Variants in PDE4D observed in about 807,000 individuals in gnomAD.
PDE4D encodes phosphodiesterase 4D.
In PDE4D, 24 loss-of-function variants were observed where a neutral mutation model predicts 87.4. That is an observed-to-expected ratio of 0.27 (90% CI 0.20 to 0.39). The LOEUF (loss-of-function observed/expected upper bound fraction) is 0.39. Ranked by LOEUF, PDE4D falls within the 10% of genes least tolerant of loss-of-function variation. The probability of loss-of-function intolerance (pLI) is 1.00; values close to 1 mark genes in which losing one functional copy is unlikely to be tolerated. For synonymous variants in PDE4D, 384 were observed against 383.2 expected (o/e 1.00, Z -0.02); for missense variants, 714 against 1,041.0 (o/e 0.69, Z 4.32).
intron 1 of PDE4D, among the ~76,000 whole-genome samples, chr5:60,214,356 T>C (rs1437501186): frequency 6.6e-6 from 1 of 152,204 alleles, no homozygotes; most frequent in African/African-American, 2.4e-5. Context: ...ACTTTGACAA[T>C]CTTTCTCTTG....
intron 3 of PDE4D, among the ~76,000 whole-genome samples, chr5:59,965,038 TAC>T (rs1759882014): frequency 6.6e-6 from 1 of 152,204 alleles, no homozygotes; most frequent in African/African-American, 2.4e-5. Flanking sequence ...CCACCACGAC[TAC>T]CCAATGACCT....
chr5:59,203,553 A>G (rs1383225470), intron 2 of PDE4D, among the ~76,000 whole-genome samples: 1 of 152,192 alleles, frequency 6.6e-6, no homozygotes, highest in Non-Finnish European at 1.5e-5. Flanking sequence ...TTGGTGCAGC[A>G]TTAATCACAA....
chr5:60,322,371 C>CACACACACAT (rs1562322935), intron 1 of PDE4D, among the ~76,000 whole-genome samples: 2 of 64,308 alleles, frequency 3.1e-5, no homozygotes, highest in Admixed American at 1.3e-4. Flanking sequence ...CACACATACA[C>CACACACACAT]ACACACACAC....
At chr5:59,570,239 A>C (rs1356033565) in intron 1 of PDE4D, among the ~76,000 whole-genome samples, 1 of 152,200 alleles carries the variant, frequency 6.6e-6, no homozygotes, top group Admixed American at 6.5e-5. Context: ...AGAACTGAAC[A>C]TAATAGTGGG....
Position 59,193,484 on chromosome 5 carries a change from A to G in PDE4D, c.684+16T>C. 6.2e-7 allele frequency: 1 copy of G among 1,612,132 alleles called. No individual in the cohort carries two copies. The highest frequency in any genetic ancestry group is 8.5e-7 in the Non-Finnish European group (1 of 1,178,798). Reference sequence around the variant, plus strand: ...ACATCTGTGAGAAACCTGCCCATTCACCAAGCTGTGCTTACCTGAGCAAAT... The same window carrying G: ...ACATCTGTGAGAAACCTGCCCATTCGCCAAGCTGTGCTTACCTGAGCAAAT... On this transcript the variant is annotated intron_variant, in intron 3 of 14. Coordinates refer to ENST00000340635, the MANE Select transcript of PDE4D (RefSeq NM_001104631.2).
At chr5:59,311,412 C>T (rs1772574293) in intron 1 of PDE4D, among the ~76,000 whole-genome samples, 2 of 138,010 alleles carry the variant, frequency 1.4e-5, no homozygotes, top group African/African-American at 5.4e-5. Flanking sequence ...GAGGCACAAG[C>T]ATCACTTGAA....
rs1828817873 is a variant in PDE4D at position 59,610,298 on chromosome 5, G to C, written c.455+282870C>G. On this transcript the variant is annotated intron_variant, in intron 1 of 14. Coordinates refer to ENST00000340635, the MANE Select transcript of PDE4D (RefSeq NM_001104631.2). The stretch of plus-strand genomic sequence containing the variant: ...TATGAGCATAGAGCTATTGAGACTG[G>C]AGAACTGATTTTAATGTGACCTAAT... 2.6e-5 allele frequency among the ~76,000 whole-genome samples: 4 copies of C among 152,286 alleles called. No individual in the cohort carries two copies. The South Asian group carries it at 8.3e-4, about 32-fold the overall frequency.
intron 1 of PDE4D, among the ~76,000 whole-genome samples, chr5:60,411,235 T>C (rs1742016976): frequency 6.6e-6 from 1 of 152,194 alleles, no homozygotes; most frequent in Non-Finnish European, 1.5e-5. Flanking sequence ...TCCAGAAGGG[T>C]TCATTTTCCA....
chr5:59,075,702 T>C (rs1374809374), intron 5 of PDE4D, among the ~76,000 whole-genome samples: 2 of 152,162 alleles, frequency 1.3e-5, no homozygotes, highest in African/African-American at 2.4e-5. Flanking sequence ...CTTATAAATA[T>C]AAAGCATACA....
At chr5:58,976,121 G>C (rs544047058) in intron 13 of PDE4D, among the ~76,000 whole-genome samples, 2 of 152,148 alleles carry the variant, frequency 1.3e-5, no homozygotes, top group East Asian at 3.9e-4. Flanking sequence ...GGTTCTGTGG[G>C]GTGTTTGTTT....
intron 1 of PDE4D, among the ~76,000 whole-genome samples, chr5:59,481,340 T>C (rs1484489862): frequency 1.3e-5 from 2 of 151,782 alleles, no homozygotes; most frequent in Non-Finnish European, 2.9e-5. Flanking sequence ...AGTTAAACTT[T>C]TTAATAGACT....
chr5:59,124,316 T>C lies in PDE4D; in HGVS notation c.808+56279A>G, dbSNP rs575476100. On this transcript the variant is annotated intron_variant, in intron 5 of 14. Transcript: ENST00000340635. ...TTGGTCAAGATCACATAAAAAGTCT[T>C]GCTGTAAAACCAGGAGCTAGTCCTA... Among the ~76,000 whole-genome samples the C allele has an allele frequency of 2.9e-4, 44 of 152,326 alleles. 1 individual carries two copies. The highest frequency in any genetic ancestry group is 9.6e-4 in the African/African-American group (40 of 41,582).
intron 1 of PDE4D, among the ~76,000 whole-genome samples, chr5:59,554,003 C>T (rs989633383): frequency 6.6e-6 from 1 of 152,094 alleles, no homozygotes; most frequent in African/African-American, 2.4e-5. Context: ...AGATGTTATA[C>T]ACATTAGCTT....
intron 1 of PDE4D, among the ~76,000 whole-genome samples, chr5:60,357,089 C>T (rs1436052679): frequency 1.3e-5 from 2 of 151,758 alleles, no homozygotes; most frequent in Non-Finnish European, 2.9e-5. Context: ...ATTTCAATCC[C>T]AGTGGAAAGC....
chr5:60,392,081 T>A (rs1762594651), intron 1 of PDE4D, among the ~76,000 whole-genome samples: 1 of 152,202 alleles, frequency 6.6e-6, no homozygotes, highest in South Asian at 2.1e-4. Flanking sequence ...CTGACAGGAC[T>A]ATTATAAAAT....
chr5:59,716,131 C>T (rs975411315), intron 1 of PDE4D, among the ~76,000 whole-genome samples: 3 of 152,198 alleles, frequency 2.0e-5, no homozygotes. Context: ...AGCAGACATC[C>T]GGTCCAGCAT....
intron 1 of PDE4D, among the ~76,000 whole-genome samples, chr5:59,284,506 T>A (rs1015613618): frequency 3.3e-5 from 5 of 151,776 alleles, no homozygotes; most frequent in Non-Finnish European, 7.4e-5. Context: ...TCAAAACCAC[T>A]ATGAGATATC....
intron 6 of PDE4D, among the ~76,000 whole-genome samples, chr5:59,004,769 T>TG (rs1751257106): frequency 6.6e-6 from 1 of 152,240 alleles, no homozygotes; most frequent in African/African-American, 2.4e-5. Context: ...CAAACCTCCC[T>TG]GGTGAAAGGC....
At chr5:59,496,824 G>T (rs1319832529) in intron 1 of PDE4D, among the ~76,000 whole-genome samples, 3 of 152,146 alleles carry the variant, frequency 2.0e-5, no homozygotes, top group African/African-American at 7.2e-5. Context: ...GGAACCGAGA[G>T]AGTGTGGGCT....
Sources: gnomAD v4.1 joint callset for allele counts (sites outside exome capture counted in the v4.1 genomes callset) on GRCh38, gnomAD v4.1.1 for gene constraint, MANE v1.5 for transcripts, NCBI Gene and HGNC (gene_info 2026-07-23, HGNC 2026-07-21) for gene names.